The following DOCK11 variants were observed in gnomAD, a reference collection of about 807,000 sequenced individuals.
The protein encoded by DOCK11 is dedicator of cytokinesis protein 11.
A neutral mutation model predicts 169.1 loss-of-function variants in DOCK11; 70 were observed. The observed-to-expected ratio is 0.41, with a 90% CI of 0.34 to 0.51. DOCK11 has a LOEUF of 0.51. DOCK11 is among the 20% of genes least tolerant of loss of function. DOCK11 has a pLI of 0.10. For missense variants in DOCK11, 1,166 were observed against 1,538.8 expected, an observed-to-expected ratio of 0.76 and a Z score of 4.05; for synonymous variants, 529 against 541.3, an observed-to-expected ratio of 0.98 and a Z score of 0.32.
At chrX:118,498,638 G>T (rs1381687221) in intron 1 of DOCK11, among the ~76,000 whole-genome samples, 2 of 111,938 alleles carry the variant, frequency 1.8e-5, no homozygotes, top group African/African-American at 6.5e-5. Flanking sequence ...TCACATTGGG[G>T]CTTCAATATG....
At chrX:118,666,451 A>G (rs1218697958) in intron 45 of DOCK11, among the ~76,000 whole-genome samples, 1 of 111,125 alleles carries the variant, frequency 9.0e-6, no homozygotes, top group Non-Finnish European at 1.9e-5. Flanking sequence ...TTCTATCACC[A>G]TGAATTAGTT....
chrX:118,608,099 C>T lies in DOCK11; in HGVS notation c.2709C>T (p.Cys903=). Residue 903 remains cysteine, a synonymous_variant, in exon 25 of 53, where the codon TGC becomes TGT. Coordinates refer to ENST00000276202, the MANE Select transcript of DOCK11 (RefSeq NM_144658.4). ...TMVLLHIVSK[C]HEEGLDSYLR... ...TTCTCTTACATATTGTATCAAAGTG[C>T]CATGAAGAAGGCTTGGATAGTTATC... is the stretch of plus-strand genomic sequence containing the variant. 1 of 1,205,360 alleles carries T rather than the reference C, an allele frequency of 8.3e-7. No homozygotes were observed.
intron 46 of DOCK11, among the ~76,000 whole-genome samples, chrX:118,672,589 C>T (rs373583180): frequency 2.1e-4 from 24 of 112,060 alleles, no homozygotes; most frequent in Middle Eastern, 4.7e-3. Context: ...CCCGCCACCG[C>T]GCCCGACTAA....
chrX:118,647,331 C>T (rs2015704047), intron 40 of DOCK11, among the ~76,000 whole-genome samples: 1 of 101,788 alleles, frequency 9.8e-6, no homozygotes, highest in Non-Finnish European at 2.0e-5. Context: ...TTGACCTTCC[C>T]ATTTTTAAGC....
At chrX:118,505,470 TACA>T (rs1337592957) in intron 1 of DOCK11, among the ~76,000 whole-genome samples, 1 of 112,383 alleles carries the variant, frequency 8.9e-6, no homozygotes, top group African/African-American at 3.2e-5. Context: ...GTATATGTGT[TACA>T]AGTCAGCAGA....
At chrX:118,581,683 A>G (rs2013640662) in intron 14 of DOCK11, among the ~76,000 whole-genome samples, 1 of 107,194 alleles carries the variant, frequency 9.3e-6, no homozygotes, top group Non-Finnish European at 1.9e-5. Flanking sequence ...GTGCACCTGT[A>G]GTGCCAGCTA....
chrX:118,602,416 A>G (rs1377629405), intron 23 of DOCK11, among the ~76,000 whole-genome samples: 10 of 111,765 alleles, frequency 8.9e-5, no homozygotes. Flanking sequence ...CATAAGTTAA[A>G]TGACAGTCTG....
At chrX:118,622,985 G>A (rs2015011821) in intron 31 of DOCK11, among the ~76,000 whole-genome samples, 1 of 112,350 alleles carries the variant, frequency 8.9e-6, no homozygotes, top group South Asian at 3.7e-4. Flanking sequence ...AGAGGCTGAG[G>A]AGGGTGGATC....
intron 42 of DOCK11, among the ~76,000 whole-genome samples, chrX:118,653,377 A>C (rs1182354768): frequency 1.8e-5 from 2 of 110,994 alleles, no homozygotes; most frequent in Non-Finnish European, 3.8e-5. Context: ...TTTTAAAGGG[A>C]GTCAAAGCCA....
At chrX:118,512,575 T>G (rs141470256) in intron 1 of DOCK11, among the ~76,000 whole-genome samples, 1,245 of 111,568 alleles carry the variant, frequency 0.011, 23 homozygotes, top group African/African-American at 0.039. Flanking sequence ...ATTGAGAAAA[T>G]ACTTGTATGC....
At chrX:118,627,247 G>T (rs2015129827) in intron 32 of DOCK11, among the ~76,000 whole-genome samples, 1 of 110,196 alleles carries the variant, frequency 9.1e-6, no homozygotes, top group African/African-American at 3.3e-5. Flanking sequence ...AAACAAAAAA[G>T]ACTGTACCAG....
At chrX:118,603,144 G>T (rs2014393327) in intron 23 of DOCK11, among the ~76,000 whole-genome samples, 1 of 112,170 alleles carries the variant, frequency 8.9e-6, no homozygotes, top group Non-Finnish European at 1.9e-5. Flanking sequence ...TCGTGTAAAA[G>T]GATAACAGAA....
At chrX:118,502,580 C>T (rs1252610760) in intron 1 of DOCK11, among the ~76,000 whole-genome samples, 2 of 111,818 alleles carry the variant, frequency 1.8e-5, no homozygotes, top group Non-Finnish European at 3.8e-5. Context: ...TTGAACCCAA[C>T]GTCTGTCACT....
intron 1 of DOCK11, among the ~76,000 whole-genome samples, chrX:118,535,080 A>C (rs1364892286): frequency 8.9e-6 from 1 of 112,523 alleles, no homozygotes; most frequent in African/African-American, 3.2e-5. Flanking sequence ...GGAAGGCAAG[A>C]TCTCACTTTG....
In DOCK11 at chrX:118,676,037, C is replaced by T; in HGVS notation, c.5301C>T (p.Ala1767=). ...KRLLGTFFRV[A]FYGQSFFEEE... is the part of the protein sequence containing the mutation. ...TTTTAGGCACTTTCTTCAGAGTTGCCTTTTATGGCCAAGTAAGTGTACTTG... is the reference window on the plus strand; with the variant it reads ...TTTTAGGCACTTTCTTCAGAGTTGCTTTTTATGGCCAAGTAAGTGTACTTG... Residue 1767 remains alanine (A), a synonymous_variant, in exon 47 of 53, where the codon GCC becomes GCT. Coordinates refer to ENST00000276202, the MANE Select transcript of DOCK11 (RefSeq NM_144658.4). 1 of 1,168,917 alleles carries T rather than the reference C, an allele frequency of 8.6e-7. No individual in the cohort carries two copies. Among genetic ancestry groups the T allele is most frequent in the Non-Finnish European group, 1.2e-6 (1 of 867,918 alleles).
chrX:118,556,522 G>A (rs1188728807), intron 6 of DOCK11, among the ~76,000 whole-genome samples: 2 of 106,450 alleles, frequency 1.9e-5, no homozygotes, highest in African/African-American at 6.8e-5. Flanking sequence ...GGTGAGGTGG[G>A]TAGATCACTT....
chrX:118,535,765 C>T (rs2011732528), intron 1 of DOCK11, among the ~76,000 whole-genome samples: 1 of 111,585 alleles, frequency 9.0e-6, no homozygotes, highest in Admixed American at 9.5e-5. Context: ...CCAAGATTTT[C>T]CCCAGAAAAT....
intron 16 of DOCK11, 98 bp downstream of exon 16, chrX:118,585,215 T>C (rs1242336411): frequency 5.1e-6 from 4 of 787,427 alleles, no homozygotes; most frequent in Non-Finnish European, 7.5e-6. Context: ...CATATTAGTT[T>C]CCCAGGGTTG....
chrX:118,612,042 GT>G (rs1357433479), intron 28 of DOCK11, among the ~76,000 whole-genome samples: 2 of 112,291 alleles, frequency 1.8e-5, no homozygotes, highest in Non-Finnish European at 3.8e-5. Context: ...AATATTTGAT[GT>G]GTGGCAGAGA....
Sources: gnomAD v4.1 joint callset for allele counts (sites outside exome capture counted in the v4.1 genomes callset) on GRCh38, gnomAD v4.1.1 for gene constraint, MANE v1.5 for transcripts, NCBI Gene and HGNC (gene_info 2026-07-23, HGNC 2026-07-21) for gene names.